KCNJ6: variants seen among roughly 807,000 people sequenced by gnomAD.
KCNJ6 encodes potassium inwardly rectifying channel subfamily J member 6, also known as G protein-activated inward rectifier potassium channel 2.
KCNJ6 carries 9 observed loss-of-function variants against 34.2 expected under a neutral mutation model. That is an observed-to-expected ratio of 0.26 (90% CI 0.16 to 0.46). KCNJ6 has a LOEUF of 0.46. Ranked by LOEUF, KCNJ6 falls within the 20% of genes least tolerant of loss-of-function variation. The pLI is 1.00. For missense variants in KCNJ6, 236 were observed against 531.3 expected (o/e 0.44, Z 5.46); for synonymous variants, 196 against 207.1 (o/e 0.95, Z 0.46).
chr21:37,652,740 A>G (rs1388296796), intron 3 of KCNJ6, among the ~76,000 whole-genome samples: 2 of 152,224 alleles, frequency 1.3e-5, no homozygotes, highest in Non-Finnish European at 2.9e-5. Context: ...AGGCAAGAGA[A>G]GATGGGACTT....
In KCNJ6 at chr21:37,867,154, C is replaced by A. The variant is rs542707558; in HGVS notation, c.-27-26445G>T. On this transcript the variant is annotated intron_variant, in intron 1 of 3. Transcript: ENST00000609713. ...ATCTTTTGTAACATTTATATGATTTCCTTATTAATTAATAAGTGTAATAAA... is the reference window on the plus strand; with the variant it reads ...ATCTTTTGTAACATTTATATGATTTACTTATTAATTAATAAGTGTAATAAA... Among the ~76,000 whole-genome samples, 27 of 152,266 alleles carry A rather than the reference C, an allele frequency of 1.8e-4. No homozygotes were observed. The South Asian group carries it at 5.0e-3, about 28-fold the overall frequency.
intron 2 of KCNJ6, among the ~76,000 whole-genome samples, chr21:37,799,001 C>T (rs1601477150): frequency 1.3e-5 from 2 of 151,830 alleles, no homozygotes; most frequent in East Asian, 1.9e-4. Context: ...GTTTGTTGTA[C>T]CGAATATTTT....
chr21:37,620,086 A>C lies in KCNJ6; in HGVS notation c.*5073T>G, dbSNP rs1190907831. The C allele has an allele frequency of 6.6e-6, 1 of 152,186 alleles. No individual in the cohort carries two copies. Among genetic ancestry groups the C allele is most frequent in the Non-Finnish European group, 1.5e-5 (1 of 68,038 alleles). 9.4% of individuals were successfully genotyped at this position (152,186 alleles called of 1,614,324 possible). A position where few individuals can be genotyped will look rare whatever the true frequency, so the allele number is the denominator to read the frequency against. ...GACTTATGAGTGACTTCAATAATTT[A>C]TGCTAGAAAAAAAGTCATTCTTCTA... is the stretch of plus-strand genomic sequence containing the variant. On this transcript the variant is annotated 3_prime_UTR_variant, in exon 4 of 4. Transcript: ENST00000609713.
At chr21:37,718,637 C>G (rs898217052) in intron 2 of KCNJ6, among the ~76,000 whole-genome samples, 1 of 147,266 alleles carries the variant, frequency 6.8e-6, no homozygotes, top group Non-Finnish European at 1.5e-5. Flanking sequence ...GGATGCAGGG[C>G]GGGGAACATC....
At chr21:37,716,055 C>T (rs2054788991) in intron 2 of KCNJ6, among the ~76,000 whole-genome samples, 1 of 152,202 alleles carries the variant, frequency 6.6e-6, no homozygotes, top group Admixed American at 6.5e-5. Flanking sequence ...TGATCTGTGC[C>T]TGCATGTAAC....
chr21:37,668,659 G>A (rs922645565), intron 3 of KCNJ6, among the ~76,000 whole-genome samples: 1 of 152,158 alleles, frequency 6.6e-6, no homozygotes, highest in Non-Finnish European at 1.5e-5. Context: ...CTGAGCCTGG[G>A]TGTGGATGCC....
At chr21:37,798,315 G>T (rs2123529145) in intron 2 of KCNJ6, among the ~76,000 whole-genome samples, 1 of 152,268 alleles carries the variant, frequency 6.6e-6, no homozygotes, top group African/African-American at 2.4e-5. Flanking sequence ...GCCCAGGAAG[G>T]GCACTAGCTC....
chr21:37,834,440 C>T (rs1481627615), intron 2 of KCNJ6, among the ~76,000 whole-genome samples: 3 of 152,248 alleles, frequency 2.0e-5, no homozygotes, highest in East Asian at 1.9e-4. Flanking sequence ...TGGCCTGCAC[C>T]TGCAAGCTAC....
chr21:37,785,458 G>C (rs1412432617), intron 2 of KCNJ6, among the ~76,000 whole-genome samples: 2 of 152,166 alleles, frequency 1.3e-5, no homozygotes, highest in African/African-American at 4.8e-5. Context: ...CTTAATGCCT[G>C]GGAATGACAT....
intron 3 of KCNJ6, among the ~76,000 whole-genome samples, chr21:37,647,547 T>A (rs1402291458): frequency 6.6e-6 from 1 of 152,096 alleles, no homozygotes; most frequent in Non-Finnish European, 1.5e-5. Context: ...ATACCCCCAA[T>A]CACTTCTCTC....
At chr21:37,810,157 T>G (rs1405509773) in intron 2 of KCNJ6, among the ~76,000 whole-genome samples, 5 of 152,168 alleles carry the variant, frequency 3.3e-5, no homozygotes, top group Non-Finnish European at 5.9e-5. Context: ...ACACAAAATT[T>G]TTTCAAGTAG....
Position 37,621,989 on chromosome 21 carries a change from G to A in KCNJ6, c.*3170C>T, listed in dbSNP as rs536729531. 1 of 152,364 alleles carries A rather than the reference G, an allele frequency of 6.6e-6. No homozygotes were observed. The highest frequency in any genetic ancestry group is 2.4e-5 in the African/African-American group (1 of 41,592). The allele number at this position is 152,364 out of a possible 1,614,324, so 9.4% of individuals were successfully genotyped here. A position where few individuals can be genotyped will look rare whatever the true frequency, so the allele number is the denominator to read the frequency against. ...AGTTGGAGAGCACGTTGGGGTGGGTGGAGGTGAGAATCCGAGGAACTCAGC... is the reference window on the plus strand; with the variant it reads ...AGTTGGAGAGCACGTTGGGGTGGGTAGAGGTGAGAATCCGAGGAACTCAGC... On this transcript the variant is annotated 3_prime_UTR_variant, in exon 4 of 4. Coordinates refer to ENST00000609713, the MANE Select transcript of KCNJ6 (RefSeq NM_002240.5).
At chr21:37,677,517 TC>T (rs1347265509) in intron 3 of KCNJ6, among the ~76,000 whole-genome samples, 6 of 152,098 alleles carry the variant, frequency 3.9e-5, no homozygotes, top group African/African-American at 1.4e-4. Context: ...TTCTTCTTCC[TC>T]CCTTTTTGTT....
At chr21:37,901,955 T>C (rs919681382) in intron 1 of KCNJ6, among the ~76,000 whole-genome samples, 1 of 152,214 alleles carries the variant, frequency 6.6e-6, no homozygotes, top group Admixed American at 6.5e-5. Context: ...TTTTTTTAAT[T>C]ATCCCAATTT....
intron 2 of KCNJ6, among the ~76,000 whole-genome samples, chr21:37,805,199 T>G (rs989085219): frequency 6.6e-6 from 1 of 152,120 alleles, no homozygotes; most frequent in African/African-American, 2.4e-5. Context: ...GATGGTTGCA[T>G]GAATTTGTGA....
chr21:37,622,191 C>T lies in KCNJ6; in HGVS notation c.*2968G>A, dbSNP rs1342965960. On this transcript the variant is annotated 3_prime_UTR_variant, in exon 4 of 4. Coordinates refer to ENST00000609713, the MANE Select transcript of KCNJ6 (RefSeq NM_002240.5). ...AAATGACTCAAATACATTAACCAAA[C>T]AGACCAAAGGATCTAGTTGAGAGTG... is the stretch of plus-strand genomic sequence containing the variant. 6.6e-6 allele frequency: 1 copy of T among 152,178 alleles called. No homozygotes were observed. Among genetic ancestry groups the T allele is most frequent in the Non-Finnish European group, 1.5e-5 (1 of 68,036 alleles). 9.4% of individuals were successfully genotyped at this position (152,178 alleles called of 1,614,324 possible).
At chr21:37,688,983 T>C (rs539462624) in intron 3 of KCNJ6, among the ~76,000 whole-genome samples, 24 of 152,328 alleles carry the variant, frequency 1.6e-4, no homozygotes, top group Non-Finnish European at 3.4e-4. Context: ...ATTGTAGATA[T>C]ACACCAAAGG....
chr21:37,625,692 TGA>T (rs1355244916), intron 3 of KCNJ6, among the ~76,000 whole-genome samples: 2 of 152,192 alleles, frequency 1.3e-5, no homozygotes, highest in Non-Finnish European at 2.9e-5. Flanking sequence ...TGGGGAACAA[TGA>T]GAGAGTCCTG....
chr21:37,707,733 G>GTGTGTGTGTATGTGTGCATGTGTATTCA (rs1237113944), intron 3 of KCNJ6, among the ~76,000 whole-genome samples: 8 of 149,898 alleles, frequency 5.3e-5, no homozygotes, highest in South Asian at 4.2e-4. Flanking sequence ...ATGTGTGTGT[G>GTGTGTGTGTATGTGTGCATGTGTATTCA]TGAATAATTT....
Sources: gnomAD v4.1 joint callset for allele counts (sites outside exome capture counted in the v4.1 genomes callset) on GRCh38, gnomAD v4.1.1 for gene constraint, MANE v1.5 for transcripts, NCBI Gene and HGNC (gene_info 2026-07-23, HGNC 2026-07-21) for gene names.